HS6ST3: variants seen among roughly 807,000 people sequenced by gnomAD.
HS6ST3 encodes heparan sulfate 6-O-sulfotransferase 3.
A neutral mutation model predicts 36.7 loss-of-function variants in HS6ST3; 12 were observed. The observed-to-expected ratio is 0.33, with a 90% CI of 0.21 to 0.53. The LOEUF (loss-of-function observed/expected upper bound fraction) is 0.53, where lower values mean the gene tolerates loss of function less well. HS6ST3 is among the 20% of genes least tolerant of loss of function. HS6ST3 has a pLI of 0.95. For synonymous variants in HS6ST3, 240 were observed against 257.5 expected, an observed-to-expected ratio of 0.93 and a Z score of 0.65; for missense variants, 584 against 640.9, an observed-to-expected ratio of 0.91 and a Z score of 0.96.
chr13:96,743,597 T>TG (rs947346051), intron 1 of HS6ST3, among the ~76,000 whole-genome samples: 3 of 152,012 alleles, frequency 2.0e-5, no homozygotes, highest in African/African-American at 4.8e-5. Flanking sequence ...AGTGAGGAAA[T>TG]GGGGGCATGT....
intron 1 of HS6ST3, among the ~76,000 whole-genome samples, chr13:96,571,465 CTT>C (rs2056300734): frequency 6.6e-6 from 1 of 152,188 alleles, no homozygotes. Flanking sequence ...GAAATGGACT[CTT>C]ATTGAACAAT....
chr13:96,549,331 T>TTTTCAAA (rs1490680167), intron 1 of HS6ST3, among the ~76,000 whole-genome samples: 17 of 152,170 alleles, frequency 1.1e-4, no homozygotes, highest in African/African-American at 4.1e-4. Flanking sequence ...GTTCATCTAT[T>TTTTCAAA]TGTGTTTTTC....
At chr13:96,648,339 G>T (rs1160695015) in intron 1 of HS6ST3, among the ~76,000 whole-genome samples, 1 of 151,944 alleles carries the variant, frequency 6.6e-6, no homozygotes, top group African/African-American at 2.4e-5. Context: ...GGATGTTAGT[G>T]TTATTCTACC....
intron 1 of HS6ST3, among the ~76,000 whole-genome samples, chr13:96,273,882 G>A (rs1164100909): frequency 6.6e-6 from 1 of 151,156 alleles, no homozygotes; most frequent in Non-Finnish European, 1.5e-5. Context: ...TCTACCTTCT[G>A]ACTCTATGTC....
intron 1 of HS6ST3, among the ~76,000 whole-genome samples, chr13:96,442,778 T>TAAAAAAA (rs57528030): frequency 8.0e-6 from 1 of 124,242 alleles, no homozygotes; most frequent in Non-Finnish European, 1.7e-5. Context: ...CAATTGGAAG[T>TAAAAAAA]AAAAAAAAAA....
chr13:96,732,531 A>T (rs1876182633), intron 1 of HS6ST3, among the ~76,000 whole-genome samples: 1 of 150,210 alleles, frequency 6.7e-6, no homozygotes, highest in Non-Finnish European at 1.5e-5. Context: ...TGACAGTACC[A>T]CCCTGTTTGG....
At chr13:96,487,148 C>T (rs2055919356) in intron 1 of HS6ST3, among the ~76,000 whole-genome samples, 2 of 151,890 alleles carry the variant, frequency 1.3e-5, no homozygotes, top group African/African-American at 4.8e-5. Flanking sequence ...TTTGTTTTTA[C>T]AGAAGTATAA....
At chr13:96,449,007 C>T (rs985976272) in intron 1 of HS6ST3, among the ~76,000 whole-genome samples, 7 of 152,036 alleles carry the variant, frequency 4.6e-5, no homozygotes, top group African/African-American at 1.4e-4. Context: ...TTGTGGCCCA[C>T]GATGAGTGCA....
chr13:96,388,477 T>C (rs2055379521), intron 1 of HS6ST3, among the ~76,000 whole-genome samples: 1 of 152,170 alleles, frequency 6.6e-6, no homozygotes, highest in Non-Finnish European at 1.5e-5. Context: ...GCAAACCGAG[T>C]AGGTTGTGTA....
At chr13:96,520,095 A>T (rs753802977) in intron 1 of HS6ST3, among the ~76,000 whole-genome samples, 1 of 152,154 alleles carries the variant, frequency 6.6e-6, no homozygotes, top group Non-Finnish European at 1.5e-5. Flanking sequence ...AGTTTTCCCA[A>T]CACCGTTTAT....
rs1056009270 is a variant in HS6ST3, at chr13:96,839,556, A to G, written c.*6358A>G. ...AAAATATTAAACTGTTGTGATGTCA[A>G]GAGCAATTGTCTTCCCCTGTGTTTT... On this transcript the variant is annotated 3_prime_UTR_variant, in exon 2 of 2. Coordinates refer to ENST00000376705, the MANE Select transcript of HS6ST3 (RefSeq NM_153456.4). 6.6e-6 allele frequency: 1 copy of G among 152,248 alleles called. No homozygotes were observed. Among genetic ancestry groups the G allele is most frequent in the African/African-American group, 2.4e-5 (1 of 41,476 alleles). 9.4% of individuals were successfully genotyped at this position (152,248 alleles called of 1,614,324 possible).
chr13:96,251,745 G>A (rs2054609055), intron 1 of HS6ST3, among the ~76,000 whole-genome samples: 1 of 151,808 alleles, frequency 6.6e-6, no homozygotes, highest in African/African-American at 2.4e-5. Context: ...GTTTTGGTAT[G>A]TTTTATTTTT....
chr13:96,608,070 T>C (rs2056445211), intron 1 of HS6ST3, among the ~76,000 whole-genome samples: 1 of 152,154 alleles, frequency 6.6e-6, no homozygotes, highest in African/African-American at 2.4e-5. Flanking sequence ...TGCAGTAGAT[T>C]GAAGCCCATC....
At chr13:96,624,433 C>T (rs1174861996) in intron 1 of HS6ST3, among the ~76,000 whole-genome samples, 2 of 151,918 alleles carry the variant, frequency 1.3e-5, no homozygotes, top group Non-Finnish European at 2.9e-5. Flanking sequence ...GTTTATTTTT[C>T]GAACTCACAT....
chr13:96,321,220 T>C (rs778533713), intron 1 of HS6ST3, among the ~76,000 whole-genome samples: 34 of 152,276 alleles, frequency 2.2e-4, no homozygotes, highest in Admixed American at 7.9e-4. Context: ...TTGAATCTCA[T>C]GCTGTTAGAC....
At chr13:96,704,067 C>A (rs1875358214) in intron 1 of HS6ST3, among the ~76,000 whole-genome samples, 1 of 152,188 alleles carries the variant, frequency 6.6e-6, no homozygotes. Flanking sequence ...TGTCCTCAGG[C>A]AGTTCTTTAT....
At chr13:96,658,268 CT>C (rs71213623) in intron 1 of HS6ST3, among the ~76,000 whole-genome samples, 144 of 76,026 alleles carry the variant, frequency 1.9e-3, no homozygotes, top group Non-Finnish European at 2.1e-3. Context: ...TCTTCTTCTT[CT>C]TTTTTTTTTT....
At chr13:96,100,941 A>G (rs2053815304) in intron 1 of HS6ST3, among the ~76,000 whole-genome samples, 1 of 152,230 alleles carries the variant, frequency 6.6e-6, no homozygotes, top group African/African-American at 2.4e-5. Flanking sequence ...TAGTACCTGT[A>G]CTGCATGATT....
intron 1 of HS6ST3, among the ~76,000 whole-genome samples, chr13:96,596,185 A>G (rs956422089): frequency 5.9e-5 from 9 of 152,154 alleles, no homozygotes; most frequent in African/African-American, 1.9e-4. Flanking sequence ...TTTATACATA[A>G]GAACATATGG....
Sources: allele counts gnomAD v4.1 joint callset (sites outside exome capture counted in the v4.1 genomes callset), GRCh38; gene constraint gnomAD v4.1.1; transcripts MANE v1.5; gene names NCBI Gene and HGNC (gene_info 2026-07-23, HGNC 2026-07-21).